The following KIFC3 variants were observed in gnomAD, a reference collection of about 807,000 sequenced individuals.
The protein encoded by KIFC3 is kinesin-like protein KIFC3.
KIFC3 carries 60 observed loss-of-function variants against 101.8 expected under a neutral mutation model. The observed-to-expected ratio is 0.59, with a 90% CI of 0.48 to 0.73. KIFC3 has a LOEUF of 0.73. KIFC3 is among the 30% of genes least tolerant of loss of function. KIFC3 has a pLI of 0.00. For missense variants in KIFC3, 966 were observed against 1,137.1 expected, an observed-to-expected ratio of 0.85 and a Z score of 2.16; for synonymous variants, 476 against 482.7, an observed-to-expected ratio of 0.99 and a Z score of 0.18.
intron 1 of KIFC3, among the ~76,000 whole-genome samples, chr16:57,857,786 T>C (rs2056202754): frequency 7.6e-6 from 1 of 131,526 alleles, no homozygotes; most frequent in Non-Finnish European, 1.6e-5. Flanking sequence ...TTTCTTTTTC[T>C]TTTTTTTTTT....
intron 3 of KIFC3, among the ~76,000 whole-genome samples, chr16:57,785,150 G>T (rs1029741987): frequency 6.6e-6 from 1 of 152,176 alleles, no homozygotes; most frequent in African/African-American, 2.4e-5. Context: ...GCACCTTCCT[G>T]CTCCACTCAC....
chr16:57,767,356 C>T (rs2148915907), intron 9 of KIFC3, among the ~76,000 whole-genome samples: 1 of 152,274 alleles, frequency 6.6e-6, no homozygotes, highest in South Asian at 2.1e-4. Flanking sequence ...GTCTTTAAGC[C>T]TCAATTTTCT....
At chr16:57,815,456 G>A in intron 1 of KIFC3, 1 of 1,199,386 alleles carries the variant, frequency 8.3e-7, no homozygotes, top group Non-Finnish European at 1.1e-6. Flanking sequence ...AAGCCCGAGG[G>A]GCTGCTTACA....
intron 1 of KIFC3, among the ~76,000 whole-genome samples, chr16:57,841,164 A>G (rs1308388497): frequency 6.6e-6 from 1 of 152,242 alleles, no homozygotes; most frequent in Non-Finnish European, 1.5e-5. Flanking sequence ...GGACCGTAAC[A>G]GTGGTGGAAA....
chr16:57,761,225 G>A, intron 14 of KIFC3, 54 bp from the exon 15 acceptor site: 1 of 1,604,672 alleles, frequency 6.2e-7, no homozygotes. Flanking sequence ...GGTCCTCAGA[G>A]TCACCTGGCC....
intron 1 of KIFC3, among the ~76,000 whole-genome samples, chr16:57,820,342 A>G (rs1259366637): frequency 2.0e-5 from 3 of 152,172 alleles, no homozygotes; most frequent in African/African-American, 7.2e-5. Flanking sequence ...TGGTGTGATC[A>G]TAGCTCACTG....
Position 57,836,962 on chromosome 16 carries a change from G to C in KIFC3, c.108+25767C>G, listed in dbSNP as rs548408031. Among the ~76,000 whole-genome samples the C allele has an allele frequency of 3.3e-5, 5 of 152,320 alleles. No individual in the cohort carries two copies. In the East Asian group the frequency reaches 9.6e-4, roughly 29 times the overall value. ...TTCTGCTTTGGTCTCCCAAAGTGTT[G>C]AGATTACAGGTGTAAGCCACTGTAC... On this transcript the variant is annotated intron_variant, in intron 1 of 2. Transcript: ENST00000563028.
At chr16:57,843,325 C>T (rs2055849636) in intron 1 of KIFC3, among the ~76,000 whole-genome samples, 1 of 152,108 alleles carries the variant, frequency 6.6e-6, no homozygotes, top group South Asian at 2.1e-4. Flanking sequence ...GAACACTGAC[C>T]ACCTTTATTG....
intron 1 of KIFC3, among the ~76,000 whole-genome samples, chr16:57,832,092 C>T (rs1194391440): frequency 6.6e-6 from 1 of 152,076 alleles, no homozygotes; most frequent in Non-Finnish European, 1.5e-5. Context: ...GCAATCTTGG[C>T]TCACTGCAAC....
intron 1 of KIFC3, among the ~76,000 whole-genome samples, chr16:57,821,382 G>A (rs1357853109): frequency 1.3e-5 from 2 of 152,176 alleles, no homozygotes; most frequent in African/African-American, 2.4e-5. Flanking sequence ...GGGACAGGAA[G>A]CAAGAAGGAA....
In KIFC3 at chr16:57,761,079, C is replaced by T. The variant is rs2148840920; in HGVS notation, c.1965G>A (p.Val655=). The T allele has an allele frequency of 1.2e-6, 2 of 1,613,432 alleles. No homozygotes were observed. Among genetic ancestry groups the T allele is most frequent in the East Asian group, 4.5e-5 (2 of 44,862 alleles). The part of the protein sequence containing the change: ...SRSHALLIVT[V]RGVDCSTGLR... ...GGCCTGTGCTGCAGTCCACGCCTCG[C>T]ACCGTCACGATGAGCAGCGCGTGCG... Residue 655 remains valine, a synonymous_variant, in exon 15 of 20, where the codon GTG becomes GTA. Coordinates refer to ENST00000445690, the MANE Select transcript of KIFC3 (RefSeq NM_001130100.2).
At chr16:57,794,519 C>T (rs1315151399) in intron 3 of KIFC3, among the ~76,000 whole-genome samples, 3 of 152,176 alleles carry the variant, frequency 2.0e-5, no homozygotes, top group Admixed American at 1.3e-4. Flanking sequence ...AGCCACCGCG[C>T]CTAGCCTTAC....
chr16:57,771,044 AG>A (rs2051119122), intron 6 of KIFC3, among the ~76,000 whole-genome samples, 153 bp downstream of exon 6: 1 of 152,214 alleles, frequency 6.6e-6, no homozygotes, highest in Admixed American at 6.5e-5. Flanking sequence ...GGATACAGGA[AG>A]GGGAAGGGGC....
intron 3 of KIFC3, among the ~76,000 whole-genome samples, chr16:57,791,939 GA>G (rs1239243302): frequency 6.6e-6 from 1 of 152,168 alleles, no homozygotes; most frequent in Non-Finnish European, 1.5e-5. Context: ...GAAACACCTC[GA>G]AACACAAGAC....
chr16:57,836,002 G>A (rs1323026431), intron 1 of KIFC3, among the ~76,000 whole-genome samples: 1 of 152,078 alleles, frequency 6.6e-6, no homozygotes, highest in African/African-American at 2.4e-5. Context: ...CTCTCTCCAG[G>A]CCCTCACTTC....
chr16:57,759,689 T>G (rs1555593674), intron 18 of KIFC3, 39 bp downstream of exon 18: 2 of 1,510,886 alleles, frequency 1.3e-6, no homozygotes, highest in Non-Finnish European at 1.8e-6. Flanking sequence ...ACTATTACCC[T>G]GGGGAGACTC....
At chr16:57,862,014 A>G (rs914136682) in intron 1 of KIFC3, among the ~76,000 whole-genome samples, 3 of 152,116 alleles carry the variant, frequency 2.0e-5, no homozygotes, top group South Asian at 2.1e-4. Flanking sequence ...GAAGGAGTGG[A>G]AGTACTGGCT....
At chr16:57,797,628 C>A (rs370227115) in intron 2 of KIFC3, 5 of 1,017,530 alleles carry the variant, frequency 4.9e-6, no homozygotes, top group East Asian at 9.4e-5. Context: ...CGGTCCACTC[C>A]CAACGCCGTC....
chr16:57,830,004 G>A (rs941841532), intron 1 of KIFC3, among the ~76,000 whole-genome samples: 40 of 152,306 alleles, frequency 2.6e-4, no homozygotes, highest in African/African-American at 9.1e-4. Context: ...AGATGACCAA[G>A]ATCATCCAAA....
Sources: allele counts gnomAD v4.1 joint callset (sites outside exome capture counted in the v4.1 genomes callset), GRCh38; gene constraint gnomAD v4.1.1; transcripts MANE v1.5; gene names NCBI Gene and HGNC (gene_info 2026-07-23, HGNC 2026-07-21).